Variants in FRMPD4 observed in about 807,000 individuals in gnomAD.
FRMPD4 encodes FERM and PDZ domain containing 4, also known as FERM and PDZ domain-containing protein 4.
FRMPD4 carries 22 observed loss-of-function variants against 94.1 expected under a neutral mutation model. The observed-to-expected ratio is 0.23, with a 90% CI of 0.17 to 0.33. The LOEUF (loss-of-function observed/expected upper bound fraction) is 0.33, where lower values mean the gene tolerates loss of function less well. Ranked by LOEUF, FRMPD4 falls within the 10% of genes least tolerant of loss-of-function variation. The probability of loss-of-function intolerance (pLI) is 1.00; values close to 1 mark genes in which losing one functional copy is unlikely to be tolerated. For missense variants in FRMPD4, 1,111 were observed against 1,339.9 expected (o/e 0.83, Z 2.67); for synonymous variants, 631 against 548.6 (o/e 1.15, Z -2.10).
chrX:12,236,506 A>G (rs888924899), intron 1 of FRMPD4, among the ~76,000 whole-genome samples: 24 of 111,688 alleles, frequency 2.1e-4, no homozygotes, highest in Non-Finnish European at 4.0e-4. Flanking sequence ...AAATTGTCAT[A>G]TAGGGTTTCA....
chrX:12,184,405 C>T (rs980153687), intron 1 of FRMPD4, among the ~76,000 whole-genome samples: 4 of 111,650 alleles, frequency 3.6e-5, no homozygotes, highest in African/African-American at 1.3e-4. Flanking sequence ...TGGCCAGTCA[C>T]ACACATGCTG....
At chrX:12,508,163 G>A (rs1298199197) in intron 2 of FRMPD4, among the ~76,000 whole-genome samples, 1 of 112,270 alleles carries the variant, frequency 8.9e-6, no homozygotes, top group Non-Finnish European at 1.9e-5. Flanking sequence ...AGGCTTCTGT[G>A]TAAATGTCCT....
chrX:11,867,087 A>G (rs2053724716), intron 2 of FRMPD4, among the ~76,000 whole-genome samples: 1 of 111,373 alleles, frequency 9.0e-6, no homozygotes, highest in South Asian at 3.7e-4. Flanking sequence ...ATTGTTCTGA[A>G]AAGCTCTCAT....
intron 3 of FRMPD4, among the ~76,000 whole-genome samples, chrX:11,992,142 G>GA (rs58215165): frequency 0.47 from 49,106 of 105,235 alleles, 8,515 homozygotes; most frequent in East Asian, 0.82. Context: ...AATTAAAAGA[G>GA]AAAAAAAAAA....
intron 1 of FRMPD4, among the ~76,000 whole-genome samples, chrX:12,482,844 C>T (rs972285165): frequency 7.1e-5 from 8 of 112,167 alleles, no homozygotes; most frequent in African/African-American, 2.6e-4. Context: ...AGATTTACAG[C>T]ACATCTCAAT....
intron 1 of FRMPD4, among the ~76,000 whole-genome samples, chrX:12,251,017 G>T (rs772390406): frequency 8.9e-6 from 1 of 112,086 alleles, no homozygotes; most frequent in Non-Finnish European, 1.9e-5. Flanking sequence ...GCACCTATCC[G>T]CCAGGAAAGG....
Position 12,138,955 on chromosome X carries a change from G to A in FRMPD4, c.-17G>A, listed in dbSNP as rs1171611850. On this transcript the variant is annotated 5_prime_UTR_variant, in exon 1 of 17. Coordinates refer to ENST00000675598, the MANE Select transcript of FRMPD4 (RefSeq NM_001368397.1). ...GGGCGACGGAGTTGTCGCGCTCGGG[G>A]GTCCCCAGCTGCCTGCATGGATGTC... 1.7e-6 allele frequency: 2 copies of A among 1,151,240 alleles called. No individual in the cohort carries two copies. Among genetic ancestry groups the A allele is most frequent in the Admixed American group, 5.0e-5 (2 of 39,825 alleles). 94.9% of individuals were successfully genotyped at this position (1,151,240 alleles called of 1,213,427 possible).
At chrX:11,823,081 A>T (rs1371441391) in intron 1 of FRMPD4, among the ~76,000 whole-genome samples, 1 of 110,667 alleles carries the variant, frequency 9.0e-6, no homozygotes, top group African/African-American at 3.3e-5. Flanking sequence ...ATTGGGTGGG[A>T]TGACATGTGA....
intron 4 of FRMPD4, among the ~76,000 whole-genome samples, chrX:12,616,935 T>C (rs1205399430): frequency 8.9e-6 from 1 of 112,688 alleles, no homozygotes; most frequent in African/African-American, 3.2e-5. Flanking sequence ...AGGTTGGCTG[T>C]GACTTAATTG....
chrX:12,286,052 T>C, intron 1 of FRMPD4, among the ~76,000 whole-genome samples: 1 of 112,125 alleles, frequency 8.9e-6, no homozygotes, highest in Non-Finnish European at 1.9e-5. Context: ...TAACCCCACT[T>C]CTTCCATGAT....
chrX:11,889,594 A>T (rs2053863346), intron 3 of FRMPD4, among the ~76,000 whole-genome samples: 2 of 112,711 alleles, frequency 1.8e-5, no homozygotes, highest in South Asian at 7.3e-4. Flanking sequence ...ACAGCTATTA[A>T]TTGCCATATA....
intron 3 of FRMPD4, among the ~76,000 whole-genome samples, chrX:12,111,108 C>T (rs1294025732): frequency 1.8e-5 from 2 of 111,652 alleles, no homozygotes; most frequent in Admixed American, 1.9e-4. Context: ...GCCCGCATTC[C>T]CAAGACAATC....
chrX:12,718,078 T>G lies in FRMPD4; in HGVS notation c.3252T>G (p.Thr1084=). 1 of 1,210,904 alleles carries G rather than the reference T, an allele frequency of 8.3e-7. No individual in the cohort carries two copies. The highest frequency in any genetic ancestry group is 1.1e-6 in the Non-Finnish European group (1 of 894,652). Residue 1084 remains threonine, a synonymous_variant, in exon 16 of 17, where the codon ACT becomes ACG. Coordinates refer to ENST00000675598, the MANE Select transcript of FRMPD4 (RefSeq NM_001368397.1). ...QHLSTFNLER[T]AFRKDSQRWY... Reference sequence around the variant, plus strand: ...TGAGCACTTTTAATCTGGAGAGAACTGCCTTTCGCAAGGACAGTCAAAGAT... The same window carrying G: ...TGAGCACTTTTAATCTGGAGAGAACGGCCTTTCGCAAGGACAGTCAAAGAT...
chrX:12,595,554 T>G lies in FRMPD4; in HGVS notation c.159-14167T>G, dbSNP rs59921049. 5.0e-3 allele frequency among the ~76,000 whole-genome samples: 562 copies of G among 112,206 alleles called. 5 individuals carry two copies. Among genetic ancestry groups the G allele is most frequent in the African/African-American group, 0.017 (534 of 30,905 alleles). On this transcript the variant is annotated intron_variant, in intron 2 of 16. Coordinates refer to ENST00000675598, the MANE Select transcript of FRMPD4 (RefSeq NM_001368397.1). ...GGAAAATAATTGAGCTCTTTAAAAA[T>G]TTTACTATGCTATTAAGCATGTATG...
chrX:12,589,947 C>T (rs964708198), intron 2 of FRMPD4, among the ~76,000 whole-genome samples: 3 of 112,123 alleles, frequency 2.7e-5, no homozygotes, highest in South Asian at 3.7e-4. Flanking sequence ...CAATTTGAGA[C>T]ATAATGAAAG....
chrX:12,121,063 T>A (rs1251563972), intron 3 of FRMPD4, among the ~76,000 whole-genome samples: 1 of 108,955 alleles, frequency 9.2e-6, no homozygotes, highest in East Asian at 2.8e-4. Flanking sequence ...ACTAAGACTT[T>A]ATTTGCTATT....
At chrX:12,283,161 G>A (rs1188845619) in intron 1 of FRMPD4, among the ~76,000 whole-genome samples, 2 of 113,021 alleles carry the variant, frequency 1.8e-5, no homozygotes, top group African/African-American at 6.4e-5. Context: ...TGGGCTTCCA[G>A]ACCTTGTTTT....
intron 3 of FRMPD4, among the ~76,000 whole-genome samples, chrX:11,880,811 C>A (rs1379686080): frequency 9.0e-6 from 1 of 110,940 alleles, no homozygotes; most frequent in Non-Finnish European, 1.9e-5. Flanking sequence ...CCTGGCTAAT[C>A]TTTGTACTTT....
At chrX:12,061,185 G>C (rs926865675) in intron 3 of FRMPD4, among the ~76,000 whole-genome samples, 2 of 111,900 alleles carry the variant, frequency 1.8e-5, no homozygotes, top group African/African-American at 3.2e-5. Flanking sequence ...AGAAGGGTGT[G>C]GGGGAGGCAA....
Sources: allele counts gnomAD v4.1 joint callset (sites outside exome capture counted in the v4.1 genomes callset), GRCh38; gene constraint gnomAD v4.1.1; transcripts MANE v1.5; gene names NCBI Gene and HGNC (gene_info 2026-07-23, HGNC 2026-07-21).